NTN1: variants seen among roughly 807,000 people sequenced by gnomAD.
NTN1 encodes netrin-1.
A neutral mutation model predicts 54.2 loss-of-function variants in NTN1; 11 were observed. The ratio of observed to expected loss-of-function variants is 0.20; its 90% CI spans 0.13 to 0.34. The LOEUF (loss-of-function observed/expected upper bound fraction) is 0.34. NTN1 is among the 10% of genes least tolerant of loss of function. The probability of loss-of-function intolerance (pLI) is 1.00; values close to 1 mark genes in which losing one functional copy is unlikely to be tolerated. For synonymous variants in NTN1, 371 were observed against 382.0 expected (o/e 0.97, Z 0.33); for missense variants, 740 against 893.1 (o/e 0.83, Z 2.18).
intron 2 of NTN1, 43 bp downstream of exon 2, chr17:9,023,434 C>G: frequency 7.5e-7 from 1 of 1,340,860 alleles, no homozygotes; most frequent in Non-Finnish European, 9.5e-7. Context: ...GGTGGGGCCG[C>G]GGGCGGGAGC....
At chr17:9,194,319 A>G (rs1285042685) in intron 5 of NTN1, among the ~76,000 whole-genome samples, 1 of 152,192 alleles carries the variant, frequency 6.6e-6, no homozygotes, top group African/African-American at 2.4e-5. Context: ...GCTGCTTTCG[A>G]GGATGCAAAG....
In NTN1 at chr17:9,211,999, T is replaced by C. The variant is rs1174112817; in HGVS notation, c.1412-9169T>C. 2.0e-5 allele frequency among the ~76,000 whole-genome samples: 3 copies of C among 152,222 alleles called. No homozygotes were observed. The highest frequency in any genetic ancestry group is 2.9e-5 in the Non-Finnish European group (2 of 68,040). ...ATAGGTTGCTAAGCTCCTTGGCCAGTCCATTGCTAGAAGATGCTTCATTTG... is the reference window on the plus strand; with the variant it reads ...ATAGGTTGCTAAGCTCCTTGGCCAGCCCATTGCTAGAAGATGCTTCATTTG... On this transcript the variant is annotated intron_variant, in intron 5 of 6. Transcript: ENST00000173229. The surrounding 1 kb of genome is among the most constrained non-coding windows in gnomAD (Gnocchi z 4.4).
chr17:9,130,989 C>A (rs908877393), intron 2 of NTN1, among the ~76,000 whole-genome samples: 2 of 152,160 alleles, frequency 1.3e-5, no homozygotes, highest in Non-Finnish European at 2.9e-5. Context: ...GTTGTGTACA[C>A]CCCTCGTCTG....
chr17:9,243,016 CTT>C lies in NTN1; in HGVS notation c.*3050_*3051del, dbSNP rs1023242704. ...TTGAAGAAAAACATACCAGATTAGT[CTT>C]TGTTTTTGAAACAGCTTCCCCAGTT... On this transcript the variant is annotated 3_prime_UTR_variant, in exon 7 of 7. Coordinates refer to ENST00000173229, the MANE Select transcript of NTN1 (RefSeq NM_004822.3). 2.0e-5 allele frequency: 3 copies of C among 152,238 alleles called. No homozygotes were observed. Among genetic ancestry groups the C allele is most frequent in the African/African-American group, 4.8e-5 (2 of 41,460 alleles). 9.4% of individuals were successfully genotyped at this position (152,238 alleles called of 1,614,324 possible).
chr17:9,029,714 C>T (rs540168808), intron 2 of NTN1, among the ~76,000 whole-genome samples: 3 of 152,312 alleles, frequency 2.0e-5, no homozygotes, highest in African/African-American at 7.2e-5. Flanking sequence ...ATATCATTGG[C>T]CGGGCGCGGT....
At chr17:9,008,651 T>C in the NTN1 span, among the ~76,000 whole-genome samples, 1 of 152,228 alleles carries the variant, frequency 6.6e-6, no homozygotes, top group Non-Finnish European at 1.5e-5. Context: ...GAAAATTGTT[T>C]AGGGCTTTGG....
chr17:9,005,504 G>A, the NTN1 span, among the ~76,000 whole-genome samples: 1 of 151,900 alleles, frequency 6.6e-6, no homozygotes, highest in African/African-American at 2.4e-5. Flanking sequence ...CGTCTGGGGA[G>A]GGGCCCAGAA....
intron 2 of NTN1, among the ~76,000 whole-genome samples, chr17:9,077,350 G>A (rs1483760112): frequency 1.3e-5 from 2 of 152,212 alleles, no homozygotes; most frequent in African/African-American, 4.8e-5. Context: ...TAAATCAGAG[G>A]TGAGAGGGAA....
the NTN1 span, among the ~76,000 whole-genome samples, chr17:9,006,845 G>T: frequency 3.9e-5 from 6 of 152,204 alleles, no homozygotes; most frequent in Non-Finnish European, 8.8e-5. Flanking sequence ...TAGGGAACAA[G>T]AAAGATATAT....
intron 2 of NTN1, among the ~76,000 whole-genome samples, chr17:9,109,049 G>A (rs1046570121): frequency 1.4e-4 from 21 of 151,894 alleles, no homozygotes; most frequent in Non-Finnish European, 3.1e-4. Flanking sequence ...GCTAATTTTT[G>A]TATTTTTAGT....
rs1022342422 is a variant in NTN1, at chr17:9,242,313, C to T, written c.*2345C>T. ...CCAGCCCAAGGCTAGAAGACAGGGC[C>T]CCTCTCCAAGCTGTCAGCGCCCCTC... On this transcript the variant is annotated 3_prime_UTR_variant, in exon 7 of 7. Coordinates refer to ENST00000173229, the MANE Select transcript of NTN1 (RefSeq NM_004822.3). 3.9e-5 allele frequency: 6 copies of T among 152,418 alleles called. No individual in the cohort carries two copies. Among genetic ancestry groups the T allele is most frequent in the African/African-American group, 1.2e-4 (5 of 41,586 alleles). 9.4% of individuals were successfully genotyped at this position (152,418 alleles called of 1,614,324 possible). A position where few individuals can be genotyped will look rare whatever the true frequency, so the allele number is the denominator to read the frequency against.
chr17:9,134,341 T>C (rs535954294), intron 2 of NTN1, among the ~76,000 whole-genome samples: 1 of 152,244 alleles, frequency 6.6e-6, no homozygotes, highest in Admixed American at 6.5e-5. Flanking sequence ...CAACCCCTCT[T>C]AGTGATAACT....
chr17:9,012,467 C>T, the NTN1 span, among the ~76,000 whole-genome samples: 1 of 151,660 alleles, frequency 6.6e-6, no homozygotes, highest in African/African-American at 2.4e-5. Flanking sequence ...GCTGAGATCG[C>T]ACCACTGCAC....
intron 2 of NTN1, among the ~76,000 whole-genome samples, chr17:9,062,144 C>A (rs1310048325): frequency 6.6e-6 from 1 of 151,806 alleles, no homozygotes. Flanking sequence ...TTTTAGTCCC[C>A]GAGGCTCAGA....
chr17:9,234,964 G>GTT (rs10650921), intron 6 of NTN1, among the ~76,000 whole-genome samples: 35,245 of 129,642 alleles, frequency 0.27, 5,226 homozygotes, highest in Non-Finnish European at 0.29. Flanking sequence ...TTGTTTTTTG[G>GTT]TTTTTTTTTT....
At chr17:9,156,291 C>T (rs948751663) in intron 2 of NTN1, among the ~76,000 whole-genome samples, 3 of 149,288 alleles carry the variant, frequency 2.0e-5, no homozygotes, top group African/African-American at 7.4e-5. Context: ...ATAACATGGT[C>T]AGTCTTCTCA....
chr17:9,207,018 C>G (rs1904985367), intron 5 of NTN1, among the ~76,000 whole-genome samples: 1 of 152,118 alleles, frequency 6.6e-6, no homozygotes, highest in Admixed American at 6.5e-5. Context: ...TATGGGAGTG[C>G]CGGAATTGCT....
At chr17:9,075,874 T>G (rs945707793) in intron 2 of NTN1, among the ~76,000 whole-genome samples, 10 of 152,158 alleles carry the variant, frequency 6.6e-5, no homozygotes, top group African/African-American at 2.2e-4. Context: ...AAACTTTCAT[T>G]TAGCTGACAG....
intron 2 of NTN1, among the ~76,000 whole-genome samples, chr17:9,059,434 G>T (rs1387214346): frequency 6.6e-6 from 1 of 152,196 alleles, no homozygotes; most frequent in African/African-American, 2.4e-5. Flanking sequence ...GTGAACAAAT[G>T]AATGGATAAA....
Sources: gnomAD v4.1 joint callset for allele counts (sites outside exome capture counted in the v4.1 genomes callset) on GRCh38, gnomAD v4.1.1 for gene constraint, Gnocchi (gnomAD v3.1) non-coding constraint, MANE v1.5 for transcripts, NCBI Gene and HGNC (gene_info 2026-07-23, HGNC 2026-07-21) for gene names.